UNC79: variants seen among roughly 807,000 people sequenced by gnomAD.
UNC79 encodes protein unc-79 homolog.
In UNC79, 37 loss-of-function variants were observed where a neutral mutation model predicts 283.1. The ratio of observed to expected loss-of-function variants is 0.13; its 90% CI spans 0.10 to 0.17. The LOEUF (loss-of-function observed/expected upper bound fraction) is 0.17, where lower values mean the gene tolerates loss of function less well. Ranked by LOEUF, UNC79 falls within the 10% of genes least tolerant of loss-of-function variation. The pLI, the probability that UNC79 is intolerant of heterozygous loss-of-function variation, is 1.00. For missense variants in UNC79, 2,272 were observed against 3,211.1 expected, an observed-to-expected ratio of 0.71 and a Z score of 7.07; for synonymous variants, 1,107 against 1,200.2, an observed-to-expected ratio of 0.92 and a Z score of 1.61.
intron 14 of UNC79, among the ~76,000 whole-genome samples, chr14:93,553,948 C>A (rs1002491617): frequency 3.9e-5 from 6 of 152,166 alleles, no homozygotes; most frequent in Admixed American, 2.0e-4. Context: ...AAAATAGGAC[C>A]ACAGTTTATT....
chr14:93,405,078 T>A (rs2055199193), intron 1 of UNC79, among the ~76,000 whole-genome samples: 1 of 152,050 alleles, frequency 6.6e-6, no homozygotes, highest in African/African-American at 2.4e-5. Flanking sequence ...AGGTCGGTAG[T>A]TCGAGACCCG....
chr14:93,662,258 G>A (rs2071678642), intron 39 of UNC79, among the ~76,000 whole-genome samples: 1 of 152,158 alleles, frequency 6.6e-6, no homozygotes, highest in Admixed American at 6.5e-5. Flanking sequence ...ATACTTAAAT[G>A]TTCTGAAAAT....
chr14:93,699,387 C>T (rs993473437), intron 47 of UNC79, among the ~76,000 whole-genome samples: 2 of 152,134 alleles, frequency 1.3e-5, no homozygotes, highest in Admixed American at 1.3e-4. Flanking sequence ...TTAAGAACTT[C>T]CTTCTTTTCA....
At chr14:93,513,557 A>G (rs2059927065) in intron 7 of UNC79, among the ~76,000 whole-genome samples, 1 of 151,952 alleles carries the variant, frequency 6.6e-6, no homozygotes, top group Non-Finnish European at 1.5e-5. Flanking sequence ...TATCCCATAC[A>G]TTTTTGTTAT....
chr14:93,432,053 C>G (rs1274097517), intron 1 of UNC79, among the ~76,000 whole-genome samples: 1 of 152,210 alleles, frequency 6.6e-6, no homozygotes, highest in Non-Finnish European at 1.5e-5. Context: ...TCTTCCAAAG[C>G]AGTACACGTT....
At chr14:93,339,457 G>A (rs142849429) in intron 1 of UNC79, among the ~76,000 whole-genome samples, 4,484 of 152,078 alleles carry the variant, frequency 0.029, 221 homozygotes, top group African/African-American at 0.097. Context: ...CTGCCACCAC[G>A]CCCGGCTAAT....
intron 1 of UNC79, among the ~76,000 whole-genome samples, chr14:93,441,025 A>G (rs925234498): frequency 1.3e-5 from 2 of 152,044 alleles, no homozygotes; most frequent in Non-Finnish European, 2.9e-5. Context: ...TGTGAGAGGT[A>G]TGTTAAAGTC....
chr14:93,493,902 T>TATATATA (rs1491278051), intron 5 of UNC79, among the ~76,000 whole-genome samples: 12 of 14,520 alleles, frequency 8.3e-4, no homozygotes, highest in South Asian at 6.4e-3. Flanking sequence ...TATATATATA[T>TATATATA]TTTTTTTTTT....
intron 1 of UNC79, among the ~76,000 whole-genome samples, chr14:93,458,741 A>G (rs2056861842): frequency 6.6e-6 from 1 of 152,240 alleles, no homozygotes; most frequent in Non-Finnish European, 1.5e-5. Flanking sequence ...CTTTCAATTC[A>G]TTTCAACCAC....
chr14:93,547,937 T>C (rs988099967), intron 14 of UNC79, among the ~76,000 whole-genome samples: 7 of 152,048 alleles, frequency 4.6e-5, no homozygotes, highest in Non-Finnish European at 1.0e-4. Context: ...CAGTGAGCCA[T>C]GATCACGCAC....
At position 93,688,480 on chromosome 14, in the gene UNC79, T is replaced by G. The variant is rs2140911657; in HGVS notation, c.6910-185T>G. ...CAGTGGCTGGATCTTTCTGGCTTTG[T>G]AGGCTAGGGAACTTTCCCTCCTTTT... On this transcript the variant is annotated intron_variant, in intron 43 of 48. Coordinates refer to ENST00000555664, the Ensembl canonical transcript of UNC79. The surrounding 1 kb of genome is among the most constrained non-coding windows in gnomAD (Gnocchi z 4.0). 6.6e-6 allele frequency among the ~76,000 whole-genome samples: 1 copy of G among 152,212 alleles called. No homozygotes were observed. The highest frequency in any genetic ancestry group is 2.1e-4 in the South Asian group (1 of 4,808).
chr14:93,684,882 C>A (rs1407858289), intron 42 of UNC79, among the ~76,000 whole-genome samples: 1 of 152,106 alleles, frequency 6.6e-6, no homozygotes, highest in Non-Finnish European at 1.5e-5. Flanking sequence ...ACTTTTTAAT[C>A]GTTAGTTTTC....
rs1316614149 is a variant in UNC79, at chr14:93,581,550, G to A, written c.2662-653G>A. ...ACTCTGTCGCCCAGGCTGGAGTACTGTGGTATGATCTCGGCTCACTGCAAC... is the reference window on the plus strand; with the variant it reads ...ACTCTGTCGCCCAGGCTGGAGTACTATGGTATGATCTCGGCTCACTGCAAC... On this transcript the variant is annotated intron_variant, in intron 19 of 48. Transcript: ENST00000555664. 3.8e-5 allele frequency among the ~76,000 whole-genome samples: 5 copies of A among 131,324 alleles called. No individual in the cohort carries two copies. The Admixed American group carries it at 4.6e-4, about 12-fold the overall frequency. The allele number at this position is 131,324 out of a possible 152,430, so 86.2% of individuals were successfully genotyped here.
chr14:93,677,917 G>A (rs1454700595), intron 41 of UNC79, among the ~76,000 whole-genome samples: 1 of 152,138 alleles, frequency 6.6e-6, no homozygotes, highest in African/African-American at 2.4e-5. Flanking sequence ...CAAAGTGCTG[G>A]GATTACAGGC....
At chr14:93,433,726 G>C in intron 1 of UNC79, among the ~76,000 whole-genome samples, 1 of 152,132 alleles carries the variant, frequency 6.6e-6, no homozygotes, top group East Asian at 1.9e-4. Context: ...GGAGCTTCTT[G>C]ATGTTGATAA....
At chr14:93,364,370 G>A (rs1222231748) in intron 1 of UNC79, among the ~76,000 whole-genome samples, 4 of 151,970 alleles carry the variant, frequency 2.6e-5, no homozygotes, top group African/African-American at 9.6e-5. Flanking sequence ...CCTCTGACTT[G>A]CTTTGCTCAA....
intron 38 of UNC79, among the ~76,000 whole-genome samples, chr14:93,656,807 C>T (rs1174651983): frequency 6.6e-6 from 1 of 152,110 alleles, no homozygotes; most frequent in Non-Finnish European, 1.5e-5. Flanking sequence ...CACTGCACTC[C>T]AGCCTGGGCA....
chr14:93,484,477 G>T lies in UNC79; in HGVS notation c.620-3186G>T, dbSNP rs140584891. On this transcript the variant is annotated intron_variant, in intron 4 of 48. Coordinates refer to ENST00000555664, the Ensembl canonical transcript of UNC79. ...AGAGCTGTACATAATAATATATTCAGAACTACAAAATGCAGGAACATATTA... is the reference window on the plus strand; with the variant it reads ...AGAGCTGTACATAATAATATATTCATAACTACAAAATGCAGGAACATATTA... Among the ~76,000 whole-genome samples, 32 of 152,254 alleles carry T rather than the reference G, an allele frequency of 2.1e-4. No individual in the cohort carries two copies. The East Asian group carries it at 5.6e-3, about 27-fold the overall frequency.
At chr14:93,530,005 A>G (rs2060730142) in intron 10 of UNC79, among the ~76,000 whole-genome samples, 1 of 152,216 alleles carries the variant, frequency 6.6e-6, no homozygotes, top group African/African-American at 2.4e-5. Flanking sequence ...CAGAGGAAAA[A>G]TGAAAGGTGG....
Sources: allele counts gnomAD v4.1 joint callset (sites outside exome capture counted in the v4.1 genomes callset), GRCh38; gene constraint gnomAD v4.1.1; non-coding constraint Gnocchi (gnomAD v3.1); transcripts MANE v1.5; gene names NCBI Gene and HGNC (gene_info 2026-07-23, HGNC 2026-07-21).